Variants in NCAPG2 observed in about 807,000 individuals in gnomAD.
NCAPG2 encodes non-SMC condensin II complex subunit G2, also known as condensin-2 complex subunit G2.
NCAPG2 carries 53 observed loss-of-function variants against 141.1 expected under a neutral mutation model. That is an observed-to-expected ratio of 0.38 (90% CI 0.30 to 0.47). The LOEUF (loss-of-function observed/expected upper bound fraction) is 0.47. Among genes scored for constraint, NCAPG2 ranks in the 20% least tolerant of loss-of-function variants. The pLI, the probability that NCAPG2 is intolerant of heterozygous loss-of-function variation, is 0.99. For synonymous variants in NCAPG2, 499 were observed against 490.7 expected (o/e 1.02, Z -0.22); for missense variants, 1,087 against 1,389.0 (o/e 0.78, Z 3.46).
In NCAPG2 at chr7:158,644,388, C is replaced by T. The variant is rs1268693571; in HGVS notation, c.3281G>A (p.Gly1094Asp). 1.9e-6 allele frequency: 3 copies of T among 1,610,468 alleles called. No individual in the cohort carries two copies. Among genetic ancestry groups the T allele is most frequent in the African/African-American group, 1.3e-5 (1 of 74,906 alleles). ...CCTCACTTTTGAGCTTTTATGTTTA[C>T]CTGGGAAAATTATATTAAAAGACAG... ...AVHIILVINA[G>D]KHKSSKVREV... is the part of the protein sequence containing the mutation. The change falls in exon 27 of 28, where the codon GGT (glycine) becomes GAT (aspartate). Residue 1094 changes from glycine to aspartate, a missense_variant and splice_region_variant. By Grantham distance (94) the Gly-to-Asp change is moderately conservative (BLOSUM62 -1). Coordinates refer to ENST00000356309, the MANE Select transcript of NCAPG2 (RefSeq NM_017760.7).
chr7:158,664,341 T>C (rs772279312), intron 14 of NCAPG2, 45 bp from the exon 15 acceptor site: 1 of 1,559,612 alleles, frequency 6.4e-7, no homozygotes, highest in Non-Finnish European at 8.8e-7. Context: ...GTGTTTCTTC[T>C]ACAAAATTAA....
At chr7:158,660,996 TC>T (rs1265717730) in intron 16 of NCAPG2, among the ~76,000 whole-genome samples, 1 of 152,142 alleles carries the variant, frequency 6.6e-6, no homozygotes, top group Non-Finnish European at 1.5e-5. Context: ...CTGTGAGGCT[TC>T]CCCAGCCATA....
chr7:158,634,990 CTGTAAAATG>C (rs1830094052), intron 27 of NCAPG2, among the ~76,000 whole-genome samples: 1 of 152,220 alleles, frequency 6.6e-6, no homozygotes, highest in Non-Finnish European at 1.5e-5. Flanking sequence ...GCACTAACGT[CTGTAAAATG>C]TGTCAAACAC....
chr7:158,680,589 CA>C (rs1834389366), intron 10 of NCAPG2, 131 bp downstream of exon 10: 2 of 522,096 alleles, frequency 3.8e-6, no homozygotes, highest in African/African-American at 2.0e-5. Flanking sequence ...AACATTTGTT[CA>C]AAAATTTCAG....
intron 24 of NCAPG2, among the ~76,000 whole-genome samples, chr7:158,649,904 C>T (rs569519025): frequency 3.3e-5 from 5 of 152,232 alleles, no homozygotes; most frequent in African/African-American, 1.2e-4. Context: ...TTTGTTTTGG[C>T]TTGAATTATC....
chr7:158,690,835 T>C lies in NCAPG2; in HGVS notation c.383-113A>G, dbSNP rs1396941760. ...ATTATTTAAAGCTTTGCTAAGCAAA[T>C]AATATTAGTTATGTTTAACTTGCCA... On this transcript the variant is annotated intron_variant, in intron 4 of 27. Transcript: ENST00000356309. The C allele has an allele frequency of 4.3e-6, 4 of 920,210 alleles. No individual in the cohort carries two copies. The African/African-American group carries it at 6.8e-5, about 16-fold the overall frequency. 57.0% of individuals were successfully genotyped at this position (920,210 alleles called of 1,614,324 possible).
At chr7:158,647,895 G>A (rs941496157) in intron 24 of NCAPG2, among the ~76,000 whole-genome samples, 4 of 152,052 alleles carry the variant, frequency 2.6e-5, no homozygotes, top group Non-Finnish European at 4.4e-5. Context: ...ATGTTGCCTA[G>A]GTTGGCCTCG....
rs976393024 is a variant in NCAPG2, at chr7:158,658,358, G to T, written c.2040C>A (p.Ala680=). Residue 680 remains alanine, a synonymous_variant, in exon 17 of 28, where the codon GCC becomes GCA. Transcript: ENST00000356309. ...PLFMLMSFMP[A]SAVPPFSCGV... ...AATACCTGAATGGGGGGACAGCAGAGGCCGGCATAAAGGACATTAGCATGA... is the reference window on the plus strand; with the variant it reads ...AATACCTGAATGGGGGGACAGCAGATGCCGGCATAAAGGACATTAGCATGA... 1.2e-6 allele frequency: 2 copies of T among 1,612,024 alleles called. No homozygotes were observed. Among genetic ancestry groups the T allele is most frequent in the Non-Finnish European group, 1.7e-6 (2 of 1,179,026 alleles).
At chr7:158,647,147 C>T (rs1461148587) in intron 24 of NCAPG2, among the ~76,000 whole-genome samples, 1 of 152,156 alleles carries the variant, frequency 6.6e-6, no homozygotes, top group Admixed American at 6.5e-5. Context: ...TTATCATCTA[C>T]TGTAAATAAT....
At chr7:158,690,533 G>T (rs751601106) in intron 5 of NCAPG2, 35 bp downstream of exon 5, 1 of 1,592,590 alleles carries the variant, frequency 6.3e-7, no homozygotes, top group African/African-American at 1.3e-5. Flanking sequence ...AATAGAGAGA[G>T]ACCCTGTCTT....
At chr7:158,644,498 C>G in intron 26 of NCAPG2, 110 bp from the exon 27 acceptor site, 1 of 875,138 alleles carries the variant, frequency 1.1e-6, no homozygotes, top group Non-Finnish European at 1.9e-6. Context: ...CCCTATCCTT[C>G]CCTTTGAGGT....
intron 16 of NCAPG2, among the ~76,000 whole-genome samples, chr7:158,659,901 G>T (rs1832342082): frequency 6.6e-6 from 1 of 152,026 alleles, no homozygotes; most frequent in Admixed American, 6.6e-5. Flanking sequence ...CATGAGGTCA[G>T]GAGATCGAGA....
chr7:158,648,805 C>T lies in NCAPG2; in HGVS notation c.3075+2027G>A, dbSNP rs150436792. On this transcript the variant is annotated intron_variant, in intron 24 of 27. Coordinates refer to ENST00000356309, the MANE Select transcript of NCAPG2 (RefSeq NM_017760.7). ...AACCACGCCAAATGGACCACAACCA[C>T]GCCAAATGGACCACAACCACGCCAA... Among the ~76,000 whole-genome samples the T allele has an allele frequency of 5.2e-5, 5 of 96,142 alleles. 1 individual carries two copies. Among genetic ancestry groups the T allele is most frequent in the African/African-American group, 1.1e-4 (3 of 27,416 alleles). 63.1% of individuals were successfully genotyped at this position (96,142 alleles called of 152,430 possible).
intron 22 of NCAPG2, among the ~76,000 whole-genome samples, chr7:158,654,245 C>A (rs1831731963): frequency 6.6e-6 from 1 of 152,168 alleles, no homozygotes; most frequent in Non-Finnish European, 1.5e-5. Context: ...CCCCCATCCA[C>A]AGGAGCACAT....
chr7:158,689,797 C>CA, intron 6 of NCAPG2, 22 bp downstream of exon 6: 1 of 1,546,546 alleles, frequency 6.5e-7, no homozygotes, highest in Non-Finnish European at 8.8e-7. Context: ...ACAAACAGAT[C>CA]AAAAAACAAA....
Position 158,686,179 on chromosome 7 carries a change from A to G in NCAPG2, c.830T>C (p.Ile277Thr). 1.9e-6 allele frequency: 3 copies of G among 1,562,708 alleles called. No individual in the cohort carries two copies. Among genetic ancestry groups the G allele is most frequent in the Non-Finnish European group, 2.6e-6 (3 of 1,151,340 alleles). ...FRAWKKASGK[I>T]LEAIENDCIQ... is the part of the protein sequence containing the mutation. ...TTAAAAAAATGAAAATACCTCCAGT[A>G]TTTTCCCTGAAGCCTTTTTCCAAGC... The change falls in exon 8 of 28, where the codon ATA becomes ACA. Residue 277 changes from isoleucine to threonine, a missense_variant. Transcript: ENST00000356309.
chr7:158,690,093 G>C (rs969783520), intron 5 of NCAPG2, 140 bp from the exon 6 acceptor site: 33 of 948,608 alleles, frequency 3.5e-5, no homozygotes, highest in Admixed American at 7.8e-5. Context: ...AATAAAAACA[G>C]ATTTTAAAAT....
rs375951732 is a variant in NCAPG2, at chr7:158,693,370, C to T, written c.206G>A (p.Gly69Glu). 2 of 1,614,050 alleles carry T rather than the reference C, an allele frequency of 1.2e-6. No homozygotes were observed. Among genetic ancestry groups the T allele is most frequent in the African/African-American group, 2.7e-5 (2 of 74,936 alleles). The change falls in exon 3 of 28, where the codon GGG becomes GAG. Residue 69 changes from glycine to glutamate, a missense_variant. Gly to Glu is a moderately conservative substitution (Grantham distance 98). Transcript: ENST00000356309. ...ACCCTGGGCTTCCACTACCTGCCAC[C>T]CATCCACTGGGCTTTCTAACAACAC... is the stretch of plus-strand genomic sequence containing the variant. ...TDVLLESPVDGWQVVEAQGED... is the reference protein window; with the variant it reads ...TDVLLESPVDEWQVVEAQGED...
chr7:158,675,739 G>A (rs1834008995), intron 11 of NCAPG2, 83 bp from the exon 12 acceptor site: 1 of 1,418,698 alleles, frequency 7.0e-7, no homozygotes, highest in South Asian at 1.3e-5. Flanking sequence ...AGCACTTCAG[G>A]GATTCGTAAC....
Sources: gnomAD v4.1 joint callset for allele counts (sites outside exome capture counted in the v4.1 genomes callset) on GRCh38, gnomAD v4.1.1 for gene constraint, MANE v1.5 for transcripts, NCBI Gene and HGNC (gene_info 2026-07-23, HGNC 2026-07-21) for gene names.